Variants in MDGA2 observed in about 807,000 individuals in gnomAD.
The protein encoded by MDGA2 is MAM domain containing glycosylphosphatidylinositol anchor 2.
A neutral mutation model predicts 117.8 loss-of-function variants in MDGA2; 40 were observed. The observed-to-expected ratio is 0.34, with a 90% CI of 0.26 to 0.44. MDGA2 has a LOEUF of 0.44. Among genes scored for constraint, MDGA2 ranks in the 20% least tolerant of loss-of-function variants. The pLI is 1.00. For missense variants in MDGA2, 1,123 were observed against 1,250.6 expected (o/e 0.90, Z 1.54); for synonymous variants, 452 against 439.0 (o/e 1.03, Z -0.37).
chr14:47,503,289 T>C (rs1047832952), intron 1 of MDGA2, among the ~76,000 whole-genome samples: 3 of 149,504 alleles, frequency 2.0e-5, no homozygotes, highest in Non-Finnish European at 3.0e-5. Flanking sequence ...GGTCAGAGAG[T>C]AAAACATGCT....
intron 2 of MDGA2, among the ~76,000 whole-genome samples, chr14:47,261,745 A>G (rs1887803333): frequency 6.6e-6 from 1 of 152,130 alleles, no homozygotes; most frequent in Non-Finnish European, 1.5e-5. Flanking sequence ...TGCCCAGATG[A>G]AAGAAGCTAA....
chr14:47,609,062 CT>C (rs570650303), intron 1 of MDGA2, among the ~76,000 whole-genome samples: 1 of 151,526 alleles, frequency 6.6e-6, no homozygotes, highest in African/African-American at 2.4e-5. Flanking sequence ...TTATTTTTAT[CT>C]TTTTTATTTT....
chr14:46,910,406 T>C (rs1488462881), intron 10 of MDGA2, among the ~76,000 whole-genome samples: 3 of 152,240 alleles, frequency 2.0e-5, no homozygotes, highest in Non-Finnish European at 4.4e-5. Flanking sequence ...TTTTTCTCTT[T>C]TGACTCTTTT....
intron 8 of MDGA2, among the ~76,000 whole-genome samples, chr14:47,001,784 T>C (rs928854384): frequency 6.6e-6 from 1 of 152,030 alleles, no homozygotes; most frequent in South Asian, 2.1e-4. Flanking sequence ...TTATAAGACA[T>C]AGTTCTTCAG....
intron 4 of MDGA2, among the ~76,000 whole-genome samples, chr14:47,139,994 G>A (rs957413872): frequency 2.6e-5 from 4 of 151,020 alleles, no homozygotes; most frequent in Non-Finnish European, 5.9e-5. Flanking sequence ...CAATATGGAA[G>A]TATAAAAAGG....
intron 3 of MDGA2, among the ~76,000 whole-genome samples, chr14:47,157,904 C>G (rs1398659963): frequency 6.6e-6 from 1 of 152,000 alleles, no homozygotes; most frequent in Non-Finnish European, 1.5e-5. Flanking sequence ...GGAGGCCTCC[C>G]CAGCCATGCA....
At chr14:46,910,670 T>A (rs1318542010) in intron 10 of MDGA2, among the ~76,000 whole-genome samples, 2 of 152,040 alleles carry the variant, frequency 1.3e-5, no homozygotes, top group African/African-American at 4.8e-5. Flanking sequence ...GACATTCAAA[T>A]AGGTAGGAAG....
intron 1 of MDGA2, among the ~76,000 whole-genome samples, chr14:47,600,564 A>G (rs559826887): frequency 6.6e-6 from 1 of 152,242 alleles, no homozygotes; most frequent in East Asian, 1.9e-4. Flanking sequence ...AACTTTTTCC[A>G]GGACTCTCTG....
chr14:46,944,485 T>G (rs1885103946), intron 9 of MDGA2, among the ~76,000 whole-genome samples: 3 of 151,982 alleles, frequency 2.0e-5, no homozygotes. Flanking sequence ...TATGCTTGGA[T>G]CTGTGGGTTT....
At chr14:47,312,693 G>GTT (rs375332903) in intron 1 of MDGA2, among the ~76,000 whole-genome samples, 38,770 of 103,636 alleles carry the variant, frequency 0.37, 7,506 homozygotes, top group East Asian at 0.49. Context: ...TTTTTGTTTT[G>GTT]TTTTGTTTTT....
chr14:47,410,413 G>C (rs1421359172), intron 1 of MDGA2, among the ~76,000 whole-genome samples: 1 of 151,996 alleles, frequency 6.6e-6, no homozygotes, highest in Non-Finnish European at 1.5e-5. Flanking sequence ...GTACTAATTT[G>C]ATCCTGGTAT....
At chr14:47,584,075 C>T (rs1896277652) in intron 1 of MDGA2, among the ~76,000 whole-genome samples, 1 of 151,786 alleles carries the variant, frequency 6.6e-6, no homozygotes, top group Non-Finnish European at 1.5e-5. Context: ...ATTTGAGAAA[C>T]TTGTAAATGT....
Position 47,096,899 on chromosome 14 carries a change from T to C in MDGA2, c.1150A>G (p.Asn384Asp). 1 of 1,613,252 alleles carries C rather than the reference T, an allele frequency of 6.2e-7. No individual in the cohort carries two copies. Among genetic ancestry groups the C allele is most frequent in the Non-Finnish European group, 8.5e-7 (1 of 1,179,404 alleles). The change falls in exon 6 of 17, where the codon AAT becomes GAT. Residue 384 changes from asparagine (N) to aspartate (D), a missense_variant. Around this residue, in one of 2 missense-constraint regions of MDGA2, gnomAD observed 890 missense variants for 1,050.3 expected, o/e 0.85. Coordinates refer to ENST00000399232, the MANE Select transcript of MDGA2 (RefSeq NM_001113498.3). ...GACTTTTTTGCAGGGTTTCCCACAT[T>C]ATTATTGGCAATGCAGCTGTAAGTA... ...AGTYSCIANN[N>D]VGNPAKKSTN... is the part of the protein sequence containing the mutation.
intron 1 of MDGA2, among the ~76,000 whole-genome samples, chr14:47,616,972 G>C (rs1896957774): frequency 6.6e-6 from 1 of 152,124 alleles, no homozygotes; most frequent in Non-Finnish European, 1.5e-5. Context: ...GTTAGCAACT[G>C]TCCTATTGGA....
intron 1 of MDGA2, among the ~76,000 whole-genome samples, chr14:47,576,187 C>T (rs1392540908): frequency 6.6e-6 from 1 of 152,116 alleles, no homozygotes; most frequent in Non-Finnish European, 1.5e-5. Context: ...ATTACAGATA[C>T]TATTTTTAAA....
chr14:47,258,913 T>C (rs538517799), intron 2 of MDGA2, among the ~76,000 whole-genome samples: 1 of 152,180 alleles, frequency 6.6e-6, no homozygotes, highest in South Asian at 2.1e-4. Context: ...ACAAAAAGAA[T>C]ATACAGTGCC....
intron 1 of MDGA2, among the ~76,000 whole-genome samples, chr14:47,405,005 A>G (rs1030711781): frequency 5.3e-5 from 8 of 152,194 alleles, no homozygotes; most frequent in African/African-American, 1.9e-4. Context: ...AGTAATTTAT[A>G]AGTTTTGGAG....
At chr14:47,137,387 G>A (rs192810246) in intron 4 of MDGA2, among the ~76,000 whole-genome samples, 1 of 152,218 alleles carries the variant, frequency 6.6e-6, no homozygotes, top group East Asian at 1.9e-4. Flanking sequence ...CTAATGAAAG[G>A]TATCTGGGTC....
At chr14:47,025,376 C>T (rs1194010730) in intron 8 of MDGA2, among the ~76,000 whole-genome samples, 1 of 152,090 alleles carries the variant, frequency 6.6e-6, no homozygotes, top group Non-Finnish European at 1.5e-5. Context: ...AGTGCAGTGG[C>T]TCTTGTAACT....
Sources: gnomAD v4.1 joint callset for allele counts (sites outside exome capture counted in the v4.1 genomes callset) on GRCh38, gnomAD v4.1.1 for gene constraint, gnomAD v4.1.1 regional missense constraint, MANE v1.5 for transcripts, NCBI Gene and HGNC (gene_info 2026-07-23, HGNC 2026-07-21) for gene names.